SIM2: variants seen among roughly 807,000 people sequenced by gnomAD.
SIM2 encodes single-minded homolog 2.
In SIM2, 28 loss-of-function variants were observed where a neutral mutation model predicts 64.8. The observed-to-expected ratio is 0.43, with a 90% CI of 0.32 to 0.59. The LOEUF is 0.59. SIM2 is among the 20% of genes least tolerant of loss of function. The pLI is 0.07. For missense variants in SIM2, 847 were observed against 871.4 expected, an observed-to-expected ratio of 0.97 and a Z score of 0.35; for synonymous variants, 408 against 391.1, an observed-to-expected ratio of 1.04 and a Z score of -0.51.
rs192371605 is a variant in SIM2, at chr21:36,737,251, G to A, written c.851-4466G>A. ...GCCCCAGAACATTCTGTAAAGAAAA[G>A]TGAACACGGGATCATCATAAATGGA... is the stretch of plus-strand genomic sequence containing the variant. On this transcript the variant is annotated intron_variant, in intron 7 of 10. Coordinates refer to ENST00000290399, the MANE Select transcript of SIM2 (RefSeq NM_005069.6). Among the ~76,000 whole-genome samples, 401 of 152,332 alleles carry A rather than the reference G, an allele frequency of 2.6e-3. 1 individual carries two copies. Among genetic ancestry groups the A allele is most frequent in the African/African-American group, 9.3e-3 (386 of 41,566 alleles).
At chr21:36,729,864 G>A (rs765535287) in intron 6 of SIM2, among the ~76,000 whole-genome samples, 2 of 152,234 alleles carry the variant, frequency 1.3e-5, no homozygotes, top group African/African-American at 2.4e-5. Context: ...GGGTGATGAT[G>A]TGGTCTTGGG....
intron 1 of SIM2, among the ~76,000 whole-genome samples, chr21:36,706,545 G>A (rs1379363384): frequency 6.6e-6 from 1 of 152,242 alleles, no homozygotes; most frequent in Non-Finnish European, 1.5e-5. Context: ...GTCCAGATGA[G>A]GACCACGTGC....
At chr21:36,738,436 C>T (rs539338099) in intron 7 of SIM2, among the ~76,000 whole-genome samples, 144 of 152,168 alleles carry the variant, frequency 9.5e-4, no homozygotes, top group Non-Finnish European at 1.6e-3. Flanking sequence ...ACCTGGGAGG[C>T]GGAGGTTGCA....
At chr21:36,709,395 C>G (rs1296418184) in intron 2 of SIM2, 145 bp downstream of exon 2, 2 of 735,254 alleles carry the variant, frequency 2.7e-6, no homozygotes, top group Non-Finnish European at 4.8e-6. Context: ...GTCCCCACTG[C>G]GGAGGGATGG....
chr21:36,728,813 G>A (rs1032595700), intron 6 of SIM2, among the ~76,000 whole-genome samples: 5 of 152,250 alleles, frequency 3.3e-5, no homozygotes, highest in Non-Finnish European at 5.9e-5. Flanking sequence ...GGCTTTGCCC[G>A]AAGTCCAGCG....
intron 7 of SIM2, among the ~76,000 whole-genome samples, chr21:36,737,055 T>C (rs1352491315): frequency 6.6e-6 from 1 of 152,036 alleles, no homozygotes; most frequent in South Asian, 2.1e-4. Context: ...GCCTCCTGAG[T>C]AGCTGGGACT....
chr21:36,719,933 T>A lies in SIM2; in HGVS notation c.457+4T>A, dbSNP rs760842803. ...CTGCACCACCACCTGCTCCAAGGTA[T>A]TCCATCCAGAGGGAAAAAAAAAAAC... On this transcript the variant is annotated splice_donor_region_variant and intron_variant, in intron 4 of 10. Transcript: ENST00000290399. 6.3e-7 allele frequency: 1 copy of A among 1,578,578 alleles called. No homozygotes were observed. The highest frequency in any genetic ancestry group is 1.7e-5 in the Admixed American group (1 of 59,450).
intron 4 of SIM2, chr21:36,720,430 A>G (rs2088810093): frequency 6.5e-6 from 1 of 154,770 alleles, no homozygotes; most frequent in Non-Finnish European, 1.4e-5. Context: ...CTTTGCCAAC[A>G]ATAGAAATCA....
chr21:36,736,155 C>G (rs566506115), intron 7 of SIM2, among the ~76,000 whole-genome samples: 24 of 152,292 alleles, frequency 1.6e-4, no homozygotes, highest in Middle Eastern at 3.4e-3. Context: ...TGACAGCAAC[C>G]CCCGCCCGGG....
chr21:36,743,832 G>A (rs1050571861), intron 9 of SIM2, among the ~76,000 whole-genome samples: 2 of 152,232 alleles, frequency 1.3e-5, no homozygotes, highest in African/African-American at 4.8e-5. Context: ...GGCTTGACGG[G>A]TTGGAATCCA....
At chr21:36,708,600 G>A (rs187764422) in intron 1 of SIM2, among the ~76,000 whole-genome samples, 249 of 152,348 alleles carry the variant, frequency 1.6e-3, no homozygotes, top group African/African-American at 5.6e-3. Context: ...CTCGTGGGGC[G>A]CCTGTGAGAG....
rs2089239018 is a variant in SIM2 at position 36,747,137 on chromosome 21, AACCGATCGGGGTGGTT to A, written c.1577-524_1577-509del. Among the ~76,000 whole-genome samples, 1 of 152,116 alleles carries A rather than the reference AACCGATCGGGGTGGTT, an allele frequency of 6.6e-6. No individual in the cohort carries two copies. Among genetic ancestry groups the A allele is most frequent in the Non-Finnish European group, 1.5e-5 (1 of 68,006 alleles). ...GTTATTTTTCATTATGACACGGCGA[AACCGATCGGGGTGGTT>A]ACCACCCCTCTCCACTAAGGGACGG... On this transcript the variant is annotated intron_variant, in intron 10 of 10. Coordinates refer to ENST00000290399, the MANE Select transcript of SIM2 (RefSeq NM_005069.6). This position sits in a 1 kb window ranked among gnomAD's most constrained non-coding sequence, Gnocchi z 4.5.
intron 7 of SIM2, among the ~76,000 whole-genome samples, chr21:36,733,656 T>A (rs2089003659): frequency 6.7e-6 from 1 of 150,186 alleles, no homozygotes. Context: ...TCTTCCCGGG[T>A]TCATGCCATT....
At chr21:36,725,916 C>T (rs1010340013) in intron 5 of SIM2, among the ~76,000 whole-genome samples, 1 of 152,234 alleles carries the variant, frequency 6.6e-6, no homozygotes, top group Non-Finnish European at 1.5e-5. Context: ...CCACTGCTTC[C>T]AGCTGTTATG....
In SIM2 at chr21:36,716,582, A is replaced by G. The variant is rs544089645; in HGVS notation, c.349-3239A>G. ...CATCTTGTTTTAAAATCCTTAATTT[A>G]CCATACTCAGCAAAACACCCCAGAG... is the stretch of plus-strand genomic sequence containing the variant. On this transcript the variant is annotated intron_variant, in intron 3 of 10. Coordinates refer to ENST00000290399, the MANE Select transcript of SIM2 (RefSeq NM_005069.6). Among the ~76,000 whole-genome samples, 4 of 152,324 alleles carry G rather than the reference A, an allele frequency of 2.6e-5. No homozygotes were observed. In the South Asian group the frequency reaches 8.3e-4, roughly 32 times the overall value.
intron 4 of SIM2, among the ~76,000 whole-genome samples, chr21:36,720,766 A>G (rs546114160): frequency 1.2e-4 from 19 of 152,360 alleles, no homozygotes; most frequent in Non-Finnish European, 1.0e-4. Flanking sequence ...TTAAATTTCA[A>G]TTGTGATGAG....
intron 7 of SIM2, among the ~76,000 whole-genome samples, chr21:36,739,778 T>G (rs896873312): frequency 6.6e-6 from 1 of 151,980 alleles, no homozygotes; most frequent in Non-Finnish European, 1.5e-5. Context: ...GCTGCATAGT[T>G]TGCCATAATG....
chr21:36,742,438 T>C (rs1004750920), intron 8 of SIM2, among the ~76,000 whole-genome samples: 5 of 106,702 alleles, frequency 4.7e-5, no homozygotes, highest in African/African-American at 1.9e-4. Flanking sequence ...TATGTTTTTG[T>C]AGAGACGGGG....
Position 36,699,881 on chromosome 21 carries a change from C to T in SIM2, c.135C>T (p.Leu45=), listed in dbSNP as rs764264617. 6.2e-7 allele frequency: 1 copy of T among 1,607,724 alleles called. No individual in the cohort carries two copies. Among genetic ancestry groups the T allele is most frequent in the South Asian group, 1.1e-5 (1 of 89,646 alleles). Residue 45 remains leucine (L), a synonymous_variant, in exon 1 of 11, where the codon CTC becomes CTT. Coordinates refer to ENST00000290399, the MANE Select transcript of SIM2 (RefSeq NM_005069.6). The surrounding 1 kb of genome is among the most constrained non-coding windows in gnomAD (Gnocchi z 5.6). The part of the protein sequence containing the change: ...SQLDKASIIR[L]TTSYLKMRAV... ...TGGACAAAGCGTCCATCATCCGCCTCACCACGAGCTACCTGAAGATGCGCG... is the reference window on the plus strand; with the variant it reads ...TGGACAAAGCGTCCATCATCCGCCTTACCACGAGCTACCTGAAGATGCGCG...
Sources: gnomAD v4.1 joint callset for allele counts (sites outside exome capture counted in the v4.1 genomes callset) on GRCh38, gnomAD v4.1.1 for gene constraint, Gnocchi (gnomAD v3.1) non-coding constraint, MANE v1.5 for transcripts, NCBI Gene and HGNC (gene_info 2026-07-23, HGNC 2026-07-21) for gene names.